Variants in RBFOX1 observed in about 807,000 individuals in gnomAD.
RBFOX1 encodes RNA binding protein fox-1 homolog 1.
A neutral mutation model predicts 57.7 loss-of-function variants in RBFOX1; 8 were observed. The observed-to-expected ratio is 0.14, with a 90% CI of 0.08 to 0.25. The LOEUF is 0.25. Among genes scored for constraint, RBFOX1 ranks in the 10% least tolerant of loss-of-function variants. The pLI, the probability that RBFOX1 is intolerant of heterozygous loss-of-function variation, is 1.00. For missense variants in RBFOX1, 611 were observed against 548.5 expected, an observed-to-expected ratio of 1.11 and a Z score of -1.14; for synonymous variants, 326 against 222.4, an observed-to-expected ratio of 1.47 and a Z score of -4.15.
chr16:6,171,475 A>G (rs2096960184), intron 1 of RBFOX1, among the ~76,000 whole-genome samples: 1 of 152,204 alleles, frequency 6.6e-6, no homozygotes, highest in Non-Finnish European at 1.5e-5. Context: ...AGCCTAAAAG[A>G]TGAAATTTAG....
At chr16:6,429,717 G>A (rs1380126050) in intron 2 of RBFOX1, among the ~76,000 whole-genome samples, 1 of 152,162 alleles carries the variant, frequency 6.6e-6, no homozygotes, top group Admixed American at 6.5e-5. Flanking sequence ...TTTTATAAAT[G>A]GGAATTCTCC....
At chr16:6,528,622 A>C (rs1010999077) in intron 2 of RBFOX1, among the ~76,000 whole-genome samples, 3 of 152,200 alleles carry the variant, frequency 2.0e-5, no homozygotes, top group Non-Finnish European at 2.9e-5. Context: ...TGACATCTTC[A>C]TTGTGAACCA....
chr16:6,750,037 A>G (rs1384388876), intron 3 of RBFOX1, among the ~76,000 whole-genome samples: 1 of 152,142 alleles, frequency 6.6e-6, no homozygotes, highest in Non-Finnish European at 1.5e-5. Flanking sequence ...CATCTTTGAA[A>G]TTGATGTAGC....
intron 4 of RBFOX1, among the ~76,000 whole-genome samples, chr16:5,887,615 G>A (rs920005782): frequency 6.6e-6 from 1 of 152,056 alleles, no homozygotes; most frequent in African/African-American, 2.4e-5. Flanking sequence ...AGTTGGCCAG[G>A]CTGGCCTTGA....
chr16:5,945,700 C>A (rs1488978720), intron 4 of RBFOX1, among the ~76,000 whole-genome samples: 1 of 152,230 alleles, frequency 6.6e-6, no homozygotes, highest in Non-Finnish European at 1.5e-5. Context: ...CACAGCCCTT[C>A]CTCAGGTAGA....
At chr16:5,653,871 G>A (rs7185169) in intron 3 of RBFOX1, among the ~76,000 whole-genome samples, 1 of 151,996 alleles carries the variant, frequency 6.6e-6, no homozygotes, top group Non-Finnish European at 1.5e-5. Flanking sequence ...AGACCAGTGG[G>A]CAGGAGGGCT....
intron 2 of RBFOX1, among the ~76,000 whole-genome samples, chr16:6,587,338 G>A (rs554178748): frequency 3.3e-5 from 5 of 152,018 alleles, no homozygotes; most frequent in Non-Finnish European, 4.4e-5. Context: ...CTATAGTGCC[G>A]TGGTGCCATC....
intron 1 of RBFOX1, among the ~76,000 whole-genome samples, chr16:5,438,545 G>C (rs996348845): frequency 2.0e-5 from 3 of 152,098 alleles, no homozygotes; most frequent in Non-Finnish European, 4.4e-5. Flanking sequence ...TGCAGGAAAG[G>C]CTCCCCACCC....
At chr16:7,510,258 G>T in intron 4 of RBFOX1, 1 of 985,938 alleles carries the variant, frequency 1.0e-6, no homozygotes, top group Non-Finnish European at 1.2e-6. Flanking sequence ...TGTGGTGTGG[G>T]ACAAGAACAG....
intron 2 of RBFOX1, among the ~76,000 whole-genome samples, chr16:6,552,202 C>T (rs556699409): frequency 6.6e-6 from 1 of 152,186 alleles, no homozygotes; most frequent in Non-Finnish European, 1.5e-5. Flanking sequence ...CTTTGAAAGT[C>T]CTCATTTAAG....
chr16:7,434,487 TAAATAA>T lies in RBFOX1; in HGVS notation c.28-83644_28-83639del, dbSNP rs1203406169. On this transcript the variant is annotated intron_variant, in intron 4 of 15. Transcript: ENST00000550418. The stretch of plus-strand genomic sequence containing the variant: ...ACTCTGTCTCGTTAAAATAAATAAA[TAAATAA>T]AAATAAAAATAAAAAAAATCATCAG... Among the ~76,000 whole-genome samples, 82 of 150,304 alleles carry T rather than the reference TAAATAA, an allele frequency of 5.5e-4. 1 individual carries two copies. Among genetic ancestry groups the T allele is most frequent in the Admixed American group, 2.3e-3 (34 of 15,052 alleles).
At chr16:7,693,414 T>TA in intron 14 of RBFOX1, 4 of 1,192,494 alleles carry the variant, frequency 3.4e-6, no homozygotes, top group Non-Finnish European at 4.7e-6. Flanking sequence ...AGTCTCAGTA[T>TA]CCTTTTTTTT....
At chr16:7,317,623 G>T (rs1469773181) in intron 4 of RBFOX1, among the ~76,000 whole-genome samples, 1 of 152,136 alleles carries the variant, frequency 6.6e-6, no homozygotes, top group Non-Finnish European at 1.5e-5. Flanking sequence ...GAGAAGTGGG[G>T]AGTCATTTTT....
intron 1 of RBFOX1, among the ~76,000 whole-genome samples, chr16:6,246,804 C>T (rs939145214): frequency 2.0e-5 from 3 of 152,162 alleles, no homozygotes; most frequent in African/African-American, 7.2e-5. Flanking sequence ...CATTGTGGCT[C>T]ACGCCTATAA....
intron 4 of RBFOX1, among the ~76,000 whole-genome samples, chr16:7,077,853 C>T (rs2058546238): frequency 6.6e-6 from 1 of 152,058 alleles, no homozygotes; most frequent in Non-Finnish European, 1.5e-5. Flanking sequence ...CCAATTTCTC[C>T]CAGTCCATTA....
At chr16:6,795,992 A>G (rs1233050787) in intron 3 of RBFOX1, among the ~76,000 whole-genome samples, 1 of 152,112 alleles carries the variant, frequency 6.6e-6, no homozygotes, top group East Asian at 1.9e-4. Flanking sequence ...AAGTTTTAAA[A>G]TATCATGGTT....
chr16:6,948,171 C>G (rs1273680396), intron 3 of RBFOX1, among the ~76,000 whole-genome samples: 1 of 151,976 alleles, frequency 6.6e-6, no homozygotes, highest in Non-Finnish European at 1.5e-5. Context: ...GTGGCTCATA[C>G]CTGTAATCCC....
intron 3 of RBFOX1, among the ~76,000 whole-genome samples, chr16:6,715,148 C>A (rs2154155312): frequency 6.6e-6 from 1 of 151,994 alleles, no homozygotes; most frequent in East Asian, 1.9e-4. Context: ...ACAGTGTTTC[C>A]AAATAAAGAC....
At chr16:6,125,762 G>A (rs1295571922) in intron 1 of RBFOX1, among the ~76,000 whole-genome samples, 1 of 152,092 alleles carries the variant, frequency 6.6e-6, no homozygotes, top group African/African-American at 2.4e-5. Context: ...TCCTTGGCTC[G>A]CTCTCTGTGG....
Sources: gnomAD v4.1 joint callset for allele counts (sites outside exome capture counted in the v4.1 genomes callset) on GRCh38, gnomAD v4.1.1 for gene constraint, MANE v1.5 for transcripts, NCBI Gene and HGNC (gene_info 2026-07-23, HGNC 2026-07-21) for gene names.